Variants in KLHL18 observed in about 807,000 individuals in gnomAD.
The protein encoded by KLHL18 is kelch-like protein 18.
Under a neutral mutation model 58.5 loss-of-function variants are expected in KLHL18, and 38 were observed. The ratio of observed to expected loss-of-function variants is 0.65; its 90% CI spans 0.50 to 0.85. KLHL18 has a LOEUF of 0.85. KLHL18 is among the 40% of genes least tolerant of loss of function. KLHL18 has a pLI of 0.00. For synonymous variants in KLHL18, 303 were observed against 301.9 expected, an observed-to-expected ratio of 1.00 and a Z score of -0.04; for missense variants, 624 against 778.4, an observed-to-expected ratio of 0.80 and a Z score of 2.36.
intron 1 of KLHL18, among the ~76,000 whole-genome samples, chr3:47,290,069 C>T (rs1209337181): frequency 1.3e-5 from 2 of 152,132 alleles, no homozygotes; most frequent in African/African-American, 4.8e-5. Flanking sequence ...AGGCTTAGAG[C>T]TATTAAGGGA....
chr3:47,303,518 G>A (rs761971836), intron 1 of KLHL18, among the ~76,000 whole-genome samples: 30 of 152,204 alleles, frequency 2.0e-4, no homozygotes, highest in Non-Finnish European at 4.1e-4. Context: ...TCCAGAAAAA[G>A]TTTTCATCAT....
intron 1 of KLHL18, chr3:47,283,337 G>A (rs1372307676): frequency 1.9e-6 from 1 of 533,122 alleles, no homozygotes; most frequent in African/African-American, 1.9e-5. Flanking sequence ...TTAGGCCCTT[G>A]GAGTGGGAGA....
intron 1 of KLHL18, among the ~76,000 whole-genome samples, chr3:47,289,608 C>T (rs750681983): frequency 6.6e-6 from 1 of 152,016 alleles, no homozygotes; most frequent in Non-Finnish European, 1.5e-5. Flanking sequence ...AATTATAGAG[C>T]TAGAATAATC....
chr3:47,309,652 TGGG>T (rs1376578288), intron 1 of KLHL18, among the ~76,000 whole-genome samples: 1 of 152,156 alleles, frequency 6.6e-6, no homozygotes. Flanking sequence ...GGCAGGCGGC[TGGG>T]AGGTGGAGGT....
At chr3:47,300,307 ATATG>A (rs1016904560) in intron 1 of KLHL18, among the ~76,000 whole-genome samples, 2 of 145,910 alleles carry the variant, frequency 1.4e-5, no homozygotes, top group Admixed American at 1.4e-4. Context: ...ATATATATAT[ATATG>A]TGTGTATATA....
intron 1 of KLHL18, among the ~76,000 whole-genome samples, chr3:47,302,470 C>T (rs954959784): frequency 3.9e-5 from 6 of 152,032 alleles, no homozygotes; most frequent in Non-Finnish European, 7.4e-5. Context: ...GGCAACAGAG[C>T]GAGACTCTGT....
At chr3:47,328,697 T>C (rs1273729665) in intron 3 of KLHL18, among the ~76,000 whole-genome samples, 1 of 152,112 alleles carries the variant, frequency 6.6e-6, no homozygotes, top group African/African-American at 2.4e-5. Flanking sequence ...CCTGAGCCTG[T>C]TTTCCATCTG....
At chr3:47,300,775 G>A (rs924209195) in intron 1 of KLHL18, among the ~76,000 whole-genome samples, 14 of 150,866 alleles carry the variant, frequency 9.3e-5, no homozygotes, top group African/African-American at 3.4e-4. Context: ...AGGTAGCTAG[G>A]ATTCTAGGAT....
At chr3:47,286,142 T>C (rs1702671131) in intron 1 of KLHL18, among the ~76,000 whole-genome samples, 3 of 152,202 alleles carry the variant, frequency 2.0e-5, no homozygotes, top group African/African-American at 7.2e-5. Context: ...GTATATTTAT[T>C]TTTTTCTCTC....
At position 47,329,978 on chromosome 3, in the gene KLHL18, G is replaced by A. The variant is rs1287544129; in HGVS notation, c.429G>A (p.Val143=). The part of the protein sequence containing the change: ...ERLHPKNCLG[V]RQFAETMMCA... ...TTCACCCAAAAAACTGCCTGGGTGTGCGCCAGTTTGCTGAGACAATGATGT... is the reference window on the plus strand; with the variant it reads ...TTCACCCAAAAAACTGCCTGGGTGTACGCCAGTTTGCTGAGACAATGATGT... The change falls in exon 4 of 10, where the codon GTG becomes GTA. Residue 143 remains valine (V), a synonymous_variant. Coordinates refer to ENST00000232766, the MANE Select transcript of KLHL18 (RefSeq NM_025010.5). The A allele has an allele frequency of 6.2e-7, 1 of 1,613,938 alleles. No homozygotes were observed. Among genetic ancestry groups the A allele is most frequent in the Admixed American group, 1.7e-5 (1 of 60,000 alleles).
chr3:47,336,940 T>C, intron 7 of KLHL18, 183 bp downstream of exon 7: 4 of 590,886 alleles, frequency 6.8e-6, no homozygotes, highest in Non-Finnish European at 1.2e-5. Context: ...AAGTAAAATA[T>C]CCACCTTGTC....
intron 1 of KLHL18, among the ~76,000 whole-genome samples, chr3:47,300,095 C>T (rs929291613): frequency 6.6e-6 from 1 of 150,912 alleles, no homozygotes; most frequent in African/African-American, 2.4e-5. Flanking sequence ...TCCTCTTTCC[C>T]TTCTCCATTC....
rs1485124687 is a variant in KLHL18 at position 47,346,076 on chromosome 3, G to A, written c.*2135G>A. The A allele has an allele frequency of 6.6e-6, 1 of 152,304 alleles. No individual in the cohort carries two copies. Among genetic ancestry groups the A allele is most frequent in the African/African-American group, 2.4e-5 (1 of 41,380 alleles). The allele number at this position is 152,304 out of a possible 1,614,324, so 9.4% of individuals were successfully genotyped here. Reference sequence around the variant, plus strand: ...TGTATCAGTGCTTGTCTTATTATAAGCCCCTTTCTTTTGTGAATTTGAAGT... The same window carrying A: ...TGTATCAGTGCTTGTCTTATTATAAACCCCTTTCTTTTGTGAATTTGAAGT... On this transcript the variant is annotated 3_prime_UTR_variant, in exon 10 of 10. Coordinates refer to ENST00000232766, the MANE Select transcript of KLHL18 (RefSeq NM_025010.5).
At chr3:47,339,830 A>G (rs1042480089) in intron 7 of KLHL18, among the ~76,000 whole-genome samples, 2 of 151,734 alleles carry the variant, frequency 1.3e-5, no homozygotes, top group East Asian at 3.9e-4. Context: ...TGGGAGGCTG[A>G]GACAAGAGGA....
intron 3 of KLHL18, among the ~76,000 whole-genome samples, chr3:47,329,340 G>T (rs1576175795): frequency 6.6e-6 from 1 of 152,008 alleles, no homozygotes; most frequent in Non-Finnish European, 1.5e-5. Flanking sequence ...GCATTCTCCT[G>T]CCTCAGCCTC....
intron 1 of KLHL18, among the ~76,000 whole-genome samples, chr3:47,306,219 T>A (rs1350591227): frequency 1.3e-5 from 2 of 152,142 alleles, no homozygotes; most frequent in African/African-American, 4.8e-5. Flanking sequence ...ATTTTCACTT[T>A]CATTCATTCA....
chr3:47,283,463 C>T (rs1412914169), intron 1 of KLHL18: 8 of 284,474 alleles, frequency 2.8e-5, no homozygotes, highest in South Asian at 5.1e-5. Flanking sequence ...GAAGAACCTT[C>T]TCTTGTCACT....
chr3:47,311,250 A>G (rs1703292886), intron 1 of KLHL18, among the ~76,000 whole-genome samples: 1 of 151,960 alleles, frequency 6.6e-6, no homozygotes, highest in South Asian at 2.1e-4. Flanking sequence ...GCCTCTTGAT[A>G]CTTTTAAAGT....
intron 1 of KLHL18, among the ~76,000 whole-genome samples, chr3:47,316,869 G>A (rs904477576): frequency 1.4e-4 from 21 of 151,204 alleles, no homozygotes; most frequent in Non-Finnish European, 2.4e-4. Context: ...AACTACTCAG[G>A]AGACTGAGGC....
Sources: gnomAD v4.1 joint callset for allele counts (sites outside exome capture counted in the v4.1 genomes callset) on GRCh38, gnomAD v4.1.1 for gene constraint, MANE v1.5 for transcripts, NCBI Gene and HGNC (gene_info 2026-07-23, HGNC 2026-07-21) for gene names.